AHNAK: variants seen among roughly 807,000 people sequenced by gnomAD.
AHNAK encodes AHNAK nucleoprotein, also known as neuroblast differentiation-associated protein AHNAK.
A neutral mutation model predicts 37.8 loss-of-function variants in AHNAK; 23 were observed. The ratio of observed to expected loss-of-function variants is 0.61; its 90% CI spans 0.44 to 0.86. The LOEUF (loss-of-function observed/expected upper bound fraction) is 0.86. AHNAK is among the 40% of genes least tolerant of loss of function. The probability of loss-of-function intolerance (pLI) is 0.00; values close to 1 mark genes in which losing one functional copy is unlikely to be tolerated. For missense variants in AHNAK, 7,411 were observed against 7,319.4 expected, an observed-to-expected ratio of 1.01 and a Z score of -0.46; for synonymous variants, 2,481 against 2,636.3, an observed-to-expected ratio of 0.94 and a Z score of 1.80.
intron 4 of AHNAK, among the ~76,000 whole-genome samples, chr11:62,500,340 C>A (rs1939689610): frequency 6.6e-6 from 1 of 152,174 alleles, no homozygotes; most frequent in African/African-American, 2.4e-5. Flanking sequence ...TCAAATCATA[C>A]TATAAAGGTA....
chr11:62,541,850 G>A (rs1941135860), intron 1 of AHNAK: 1 of 152,226 alleles, frequency 6.6e-6, no homozygotes, highest in Non-Finnish European at 1.5e-5. Flanking sequence ...AAAGGAACAA[G>A]GGTGACATCC....
intron 5 of AHNAK, among the ~76,000 whole-genome samples, chr11:62,481,372 G>T (rs1939269269): frequency 6.6e-6 from 1 of 151,964 alleles, no homozygotes; most frequent in Non-Finnish European, 1.5e-5. Flanking sequence ...CTCCCAGAGT[G>T]CTGGGACTAC....
chr11:62,490,426 C>G lies in AHNAK; in HGVS notation c.442+1306G>C, dbSNP rs967757671. Among the ~76,000 whole-genome samples the G allele has an allele frequency of 3.3e-5, 5 of 152,096 alleles. No homozygotes were observed. In the East Asian group the frequency reaches 9.7e-4, roughly 29 times the overall value. ...GTTTTGGCCAGGCTGGTCTCGAACTCCTGACCTCGTGATCCTCCTGCTCCT... is the reference window on the plus strand; with the variant it reads ...GTTTTGGCCAGGCTGGTCTCGAACTGCTGACCTCGTGATCCTCCTGCTCCT... On this transcript the variant is annotated intron_variant, in intron 5 of 5. Transcript: ENST00000257247.
chr11:62,492,578 A>G (rs534825259), intron 4 of AHNAK, among the ~76,000 whole-genome samples: 13 of 151,922 alleles, frequency 8.6e-5, no homozygotes, highest in African/African-American at 3.1e-4. Flanking sequence ...CCAGGAAATT[A>G]CTCTTCCCAG....
At chr11:62,462,077 A>G (rs1938801273) in intron 5 of AHNAK, among the ~76,000 whole-genome samples, 1 of 152,186 alleles carries the variant, frequency 6.6e-6, no homozygotes, top group Non-Finnish European at 1.5e-5. Flanking sequence ...GCATTTTAAA[A>G]CACAGCACAA....
chr11:62,475,535 C>T (rs113323515), intron 5 of AHNAK, among the ~76,000 whole-genome samples: 1 of 149,542 alleles, frequency 6.7e-6, no homozygotes, highest in South Asian at 2.1e-4. Context: ...AGTAACTGCA[C>T]TTTTGCATTG....
At chr11:62,458,231 T>G (rs558121521) in intron 5 of AHNAK, among the ~76,000 whole-genome samples, 1 of 152,206 alleles carries the variant, frequency 6.6e-6, no homozygotes, top group African/African-American at 2.4e-5. Flanking sequence ...AAAGCTGAAA[T>G]TTTTTTAAAA....
chr11:62,505,322 G>A (rs922517474), intron 4 of AHNAK, among the ~76,000 whole-genome samples: 3 of 152,122 alleles, frequency 2.0e-5, no homozygotes, highest in African/African-American at 7.2e-5. Context: ...GGGTCATGAG[G>A]CCCAAATATG....
chr11:62,445,037 C>T (rs751504455), intron 5 of AHNAK, among the ~76,000 whole-genome samples: 9 of 152,186 alleles, frequency 5.9e-5, no homozygotes, highest in Non-Finnish European at 1.3e-4. Flanking sequence ...TCCTACCCCA[C>T]GTGCTGGATA....
chr11:62,478,623 C>G (rs2134864927), intron 5 of AHNAK, among the ~76,000 whole-genome samples: 1 of 151,978 alleles, frequency 6.6e-6, no homozygotes, highest in African/African-American at 2.4e-5. Flanking sequence ...TGGCACACGC[C>G]TGTGGTCCTA....
intron 5 of AHNAK, among the ~76,000 whole-genome samples, chr11:62,477,496 AC>A (rs373091364): frequency 1.3e-5 from 2 of 152,090 alleles, no homozygotes; most frequent in African/African-American, 4.8e-5. Flanking sequence ...ATTCACATGC[AC>A]CCCCGAACCT....
At position 62,532,268 on chromosome 11, in the gene AHNAK, C is replaced by T. The variant is rs1415743848; in HGVS notation, c.2149G>A (p.Val717Ile). Residue 717 changes from valine (V) to isoleucine (I), a missense_variant, in exon 5 of 5, where the codon GTA (valine) becomes ATA (isoleucine). Transcript: ENST00000378024. ...KGTKVKGEYD[V>I]TVPKLEGELK... ...TCTCCTTCCAGCTTTGGTACAGTTA[C>T]ATCATACTCTCCCTTCACCTTTGTA... The T allele has an allele frequency of 3.1e-6, 5 of 1,614,078 alleles. No homozygotes were observed. The highest frequency in any genetic ancestry group is 4.5e-5 in the East Asian group (2 of 44,868).
intron 5 of AHNAK, among the ~76,000 whole-genome samples, chr11:62,476,981 C>A (rs1229876705): frequency 6.6e-6 from 1 of 152,186 alleles, no homozygotes; most frequent in East Asian, 1.9e-4. Context: ...TCACCCAATT[C>A]TTCTCCATGA....
chr11:62,520,284 C>A lies in AHNAK; in HGVS notation c.14133G>T (p.Met4711Ile), dbSNP rs1940187224. ...DAKLKGPKFK[M>I]PEMSIKAPKI... ...TGGGGGCTTTGATGCTCATCTCAGG[C>A]ATCTTGAACTTGGGGCCCTTTAGTT... Residue 4711 changes from methionine to isoleucine, a missense_variant, in exon 5 of 5, where the codon ATG becomes ATT. Transcript: ENST00000378024. The A allele has an allele frequency of 1.2e-6, 2 of 1,613,252 alleles. No individual in the cohort carries two copies. Among genetic ancestry groups the A allele is most frequent in the East Asian group, 4.5e-5 (2 of 44,788 alleles).
intron 4 of AHNAK, among the ~76,000 whole-genome samples, chr11:62,506,771 G>A (rs1221437974): frequency 1.3e-5 from 2 of 152,186 alleles, no homozygotes; most frequent in Non-Finnish European, 2.9e-5. Flanking sequence ...TAGTGGAAGA[G>A]TGAAGACTCA....
chr11:62,439,279 G>A (rs1170757074), intron 5 of AHNAK, among the ~76,000 whole-genome samples: 7 of 151,618 alleles, frequency 4.6e-5, no homozygotes, highest in African/African-American at 2.4e-5. Flanking sequence ...TGTATTTTTA[G>A]TAGACACGGG....
At position 62,527,651 on chromosome 11, in the gene AHNAK, A is replaced by T. The variant is rs551206043; in HGVS notation, c.6766T>A (p.Phe2256Ile). Residue 2256 changes from phenylalanine to isoleucine, a missense_variant, in exon 5 of 5, where the codon TTC (phenylalanine) becomes ATC (isoleucine). Phe to Ile is a conservative substitution (Grantham distance 21). Transcript: ENST00000378024. ...MKMPKFSMPG[F>I]KGEGPEVDVN... ...TCCACTTCTGGGCCCTCTCCTTTGA[A>T]GCCAGGCATGCTGAACTTGGGCATT... is the stretch of plus-strand genomic sequence containing the variant. The T allele has an allele frequency of 5.6e-6, 9 of 1,613,848 alleles. No individual in the cohort carries two copies. In the Admixed American group the frequency reaches 6.7e-5, roughly 12 times the overall value.
chr11:62,521,028 G>A lies in AHNAK; in HGVS notation c.13389C>T (p.Asp4463=), dbSNP rs1940218195. 1.9e-6 allele frequency: 3 copies of A among 1,613,760 alleles called. No individual in the cohort carries two copies. The highest frequency in any genetic ancestry group is 1.7e-5 in the Admixed American group (1 of 59,970). ...TGGGACCTTTCAGGTGCAAATCAAA[G>A]TCAGGCATAGAGATTTTGGGAGCTT... The part of the protein sequence containing the change: ...NIKAPKISMP[D]FDLHLKGPKV... Residue 4463 remains aspartate (D), a synonymous_variant, in exon 5 of 5, where the codon GAC becomes GAT. Coordinates refer to ENST00000378024, the MANE Select transcript of AHNAK (RefSeq NM_001620.3).
intron 4 of AHNAK, among the ~76,000 whole-genome samples, chr11:62,493,388 T>C (rs1939542939): frequency 6.8e-6 from 1 of 148,070 alleles, no homozygotes; most frequent in African/African-American, 2.5e-5. Context: ...TGGAGTGCAG[T>C]GGCACAATCT....
Sources: allele counts gnomAD v4.1 joint callset (sites outside exome capture counted in the v4.1 genomes callset), GRCh38; gene constraint gnomAD v4.1.1; transcripts MANE v1.5; gene names NCBI Gene and HGNC (gene_info 2026-07-23, HGNC 2026-07-21).